GNAL: variants seen among roughly 807,000 people sequenced by gnomAD.
GNAL encodes the protein G protein subunit alpha L.
Under a neutral mutation model 55.1 loss-of-function variants are expected in GNAL, and 18 were observed. The observed-to-expected ratio is 0.33, with a 90% CI of 0.23 to 0.48. GNAL has a LOEUF of 0.48. Ranked by LOEUF, GNAL falls within the 20% of genes least tolerant of loss-of-function variation. The pLI, the probability that GNAL is intolerant of heterozygous loss-of-function variation, is 0.99. For synonymous variants in GNAL, 253 were observed against 237.0 expected (o/e 1.07, Z -0.62); for missense variants, 412 against 614.1 (o/e 0.67, Z 3.48).
intron 1 of GNAL, among the ~76,000 whole-genome samples, chr18:11,735,806 A>AAAGGAAGG (rs368504075): frequency 2.9e-4 from 44 of 149,768 alleles, no homozygotes; most frequent in African/African-American, 7.2e-4. Flanking sequence ...GGAAGGAAGG[A>AAAGGAAGG]AAGGAAGGAA....
At chr18:11,833,902 C>T (rs2035444330) in intron 5 of GNAL, among the ~76,000 whole-genome samples, 1 of 152,138 alleles carries the variant, frequency 6.6e-6, no homozygotes, top group Non-Finnish European at 1.5e-5. Context: ...AGACAAGTCC[C>T]CTGGTGAGGA....
Position 11,689,338 on chromosome 18 carries a change from A to C in GNAL, c.-226A>C. 3.0e-6 allele frequency: 1 copy of C among 334,824 alleles called. No individual in the cohort carries two copies. The highest frequency in any genetic ancestry group is 5.4e-6 in the Non-Finnish European group (1 of 185,248). 20.7% of individuals were successfully genotyped at this position (334,824 alleles called of 1,614,324 possible). A position where few individuals can be genotyped will look rare whatever the true frequency, so the allele number is the denominator to read the frequency against. On this transcript the variant is annotated 5_prime_UTR_variant, in exon 1 of 12. Coordinates refer to ENST00000334049, the MANE Select transcript of GNAL (RefSeq NM_182978.4). ...GCCGCCACCCCTTGCACACAGCAGA[A>C]AATGCAAAATGACCCTCTGGGGCAG...
intron 4 of GNAL, among the ~76,000 whole-genome samples, chr18:11,818,250 T>C (rs2035009615): frequency 6.6e-6 from 1 of 152,146 alleles, no homozygotes; most frequent in Non-Finnish European, 1.5e-5. Context: ...GTTATAACAC[T>C]GTAAAATAAC....
intron 4 of GNAL, among the ~76,000 whole-genome samples, chr18:11,765,701 A>G (rs776350207): frequency 3.9e-5 from 6 of 152,140 alleles, no homozygotes; most frequent in African/African-American, 1.4e-4. Flanking sequence ...CCCTAACACA[A>G]TGTTCGTTCT....
chr18:11,711,981 T>G (rs2031849727), intron 1 of GNAL, among the ~76,000 whole-genome samples: 2 of 152,250 alleles, frequency 1.3e-5, no homozygotes, highest in African/African-American at 4.8e-5. Flanking sequence ...GTTTCTTTTT[T>G]CAGGAGCCCA....
At chr18:11,783,832 G>C (rs1185288603) in intron 4 of GNAL, among the ~76,000 whole-genome samples, 2 of 152,130 alleles carry the variant, frequency 1.3e-5, no homozygotes, top group East Asian at 3.9e-4. Context: ...ATCTCAGTTT[G>C]AGCAAGCCGC....
Position 11,748,178 on chromosome 18 carries a change from T to C in GNAL, c.377-4675T>C, listed in dbSNP as rs1404164008. On this transcript the variant is annotated intron_variant, in intron 1 of 11. Coordinates refer to ENST00000334049, the MANE Select transcript of GNAL (RefSeq NM_182978.4). Reference sequence around the variant, plus strand: ...ATTCCTACCTGAAAATAGGCTAAGATTGGCTTTGCATTTTTCATGAGAAAT... The same window carrying C: ...ATTCCTACCTGAAAATAGGCTAAGACTGGCTTTGCATTTTTCATGAGAAAT... Among the ~76,000 whole-genome samples the C allele has an allele frequency of 3.3e-5, 5 of 152,328 alleles. No homozygotes were observed. The East Asian group carries it at 5.8e-4, about 18-fold the overall frequency.
At chr18:11,854,833 T>C (rs1296386968) in intron 5 of GNAL, among the ~76,000 whole-genome samples, 1 of 152,188 alleles carries the variant, frequency 6.6e-6, no homozygotes, top group Non-Finnish European at 1.5e-5. Context: ...GAAAGCATGA[T>C]ATTTTTCCAA....
At chr18:11,866,592 G>A (rs958684873) in intron 7 of GNAL, among the ~76,000 whole-genome samples, 1 of 150,484 alleles carries the variant, frequency 6.6e-6, no homozygotes, top group African/African-American at 2.5e-5. Context: ...GAGCGAGACC[G>A]GGAAGCAGCT....
chr18:11,713,581 G>GC (rs2031885999), intron 1 of GNAL, among the ~76,000 whole-genome samples: 1 of 152,192 alleles, frequency 6.6e-6, no homozygotes, highest in Non-Finnish European at 1.5e-5. Flanking sequence ...GCTGCAGGTT[G>GC]TGGGTCAGAC....
At chr18:11,724,272 T>A (rs1289552004) in intron 1 of GNAL, among the ~76,000 whole-genome samples, 2 of 152,118 alleles carry the variant, frequency 1.3e-5, no homozygotes, top group African/African-American at 4.8e-5. Flanking sequence ...GGGGGCAGCG[T>A]TTTCAGGCTG....
intron 1 of GNAL, among the ~76,000 whole-genome samples, chr18:11,708,415 T>C (rs547642693): frequency 6.6e-6 from 1 of 152,298 alleles, no homozygotes; most frequent in African/African-American, 2.4e-5. Context: ...TTTGCCATCT[T>C]ATATGGGTGC....
At position 11,699,896 on chromosome 18, in the gene GNAL, C is replaced by T. The variant is rs113851615; in HGVS notation, c.376+9957C>T. ...GCGTCAGGGTAGCTTCATGGATTGC[C>T]GTACTCTATGAGGGATGTTGCTGGT... On this transcript the variant is annotated intron_variant, in intron 1 of 11. Coordinates refer to ENST00000334049, the MANE Select transcript of GNAL (RefSeq NM_182978.4). Among the ~76,000 whole-genome samples the T allele has an allele frequency of 5.0e-3, 761 of 152,196 alleles. 7 individuals carry two copies. The highest frequency in any genetic ancestry group is 0.018 in the African/African-American group (729 of 41,494).
intron 5 of GNAL, among the ~76,000 whole-genome samples, chr18:11,860,873 C>T (rs1194667410): frequency 1.3e-5 from 2 of 152,148 alleles, no homozygotes; most frequent in Non-Finnish European, 2.9e-5. Flanking sequence ...GGAGGTCAGC[C>T]AGCCAGCCAG....
chr18:11,849,787 G>A lies in GNAL; in HGVS notation c.723-12608G>A, dbSNP rs534768371. 2.6e-5 allele frequency among the ~76,000 whole-genome samples: 4 copies of A among 152,322 alleles called. No homozygotes were observed. In the South Asian group the frequency reaches 8.3e-4, roughly 32 times the overall value. ...GGCAAAAAGGAACCATAGCTAAGCT[G>A]CTAACTAGGGTAACATCCTATCCCC... On this transcript the variant is annotated intron_variant, in intron 5 of 11. Coordinates refer to ENST00000334049, the MANE Select transcript of GNAL (RefSeq NM_182978.4).
Position 11,864,900 on chromosome 18 carries a change from C to T in GNAL, c.851+294C>T, listed in dbSNP as rs2036226103. On this transcript the variant is annotated intron_variant, in intron 7 of 11. Transcript: ENST00000334049. ...ATGAAATTTTGATCTTTCAGATGCA[C>T]AGTCACAGGTTGAGAACTGAAATGA... Among the ~76,000 whole-genome samples, 3 of 152,138 alleles carry T rather than the reference C, an allele frequency of 2.0e-5. No homozygotes were observed. The South Asian group carries it at 6.2e-4, about 31-fold the overall frequency.
At chr18:11,761,934 T>C (rs1840861550) in intron 4 of GNAL, among the ~76,000 whole-genome samples, 1 of 152,242 alleles carries the variant, frequency 6.6e-6, no homozygotes, top group Admixed American at 6.5e-5. Flanking sequence ...TTTGCACACC[T>C]GGTTGCTGGA....
chr18:11,767,652 GCT>G (rs1023839048), intron 4 of GNAL, among the ~76,000 whole-genome samples: 3 of 152,098 alleles, frequency 2.0e-5, no homozygotes, highest in Admixed American at 6.5e-5. Flanking sequence ...TTGCACACTT[GCT>G]CTCTCTGTTC....
At chr18:11,714,497 A>G (rs1192851494) in intron 1 of GNAL, among the ~76,000 whole-genome samples, 1 of 152,210 alleles carries the variant, frequency 6.6e-6, no homozygotes, top group Non-Finnish European at 1.5e-5. Flanking sequence ...CACGCTCAGT[A>G]AATCTGCATT....
Sources: allele counts gnomAD v4.1 joint callset (sites outside exome capture counted in the v4.1 genomes callset), GRCh38; gene constraint gnomAD v4.1.1; transcripts MANE v1.5; gene names NCBI Gene and HGNC (gene_info 2026-07-23, HGNC 2026-07-21).